Variants in SLC25A26 observed in about 807,000 individuals in gnomAD.
The protein encoded by SLC25A26 is solute carrier family 25 member 26.
Under a neutral mutation model 37.8 loss-of-function variants are expected in SLC25A26, and 36 were observed. That is an observed-to-expected ratio of 0.95 (90% CI 0.73 to 1.26). The LOEUF is 1.26. Ranked by LOEUF, SLC25A26 falls within the 50% of genes most tolerant of loss-of-function variation. The pLI, the probability that SLC25A26 is intolerant of heterozygous loss-of-function variation, is 0.00. For synonymous variants in SLC25A26, 129 were observed against 122.5 expected, an observed-to-expected ratio of 1.05 and a Z score of -0.35; for missense variants, 390 against 331.1, an observed-to-expected ratio of 1.18 and a Z score of -1.38.
chr3:66,339,352 C>T (rs2076156102), intron 5 of SLC25A26, among the ~76,000 whole-genome samples: 1 of 151,938 alleles, frequency 6.6e-6, no homozygotes, highest in South Asian at 2.1e-4. Flanking sequence ...TGCAAATATT[C>T]CACTCTGTGG....
At chr3:66,372,413 T>G (rs1006956661) in intron 9 of SLC25A26, among the ~76,000 whole-genome samples, 1 of 152,194 alleles carries the variant, frequency 6.6e-6, no homozygotes, top group Non-Finnish European at 1.5e-5. Flanking sequence ...GAGTAGATGA[T>G]TGAAGATAGT....
chr3:66,359,117 G>T (rs1361377743), intron 6 of SLC25A26, among the ~76,000 whole-genome samples: 1 of 152,208 alleles, frequency 6.6e-6, no homozygotes, highest in Non-Finnish European at 1.5e-5. Context: ...ATAGTGGAAA[G>T]TTAGACTTAT....
chr3:66,287,968 A>G (rs2074570276), intron 5 of SLC25A26, among the ~76,000 whole-genome samples: 1 of 152,224 alleles, frequency 6.6e-6, no homozygotes, highest in South Asian at 2.1e-4. Flanking sequence ...TTGTTACTGA[A>G]GTGGTGACCC....
chr3:66,279,188 C>T (rs1049068150), intron 5 of SLC25A26, among the ~76,000 whole-genome samples: 1 of 152,080 alleles, frequency 6.6e-6, no homozygotes, highest in Admixed American at 6.6e-5. Flanking sequence ...TTAGGTATGA[C>T]AACTTTGAAA....
At chr3:66,352,526 A>C (rs1377458249) in intron 6 of SLC25A26, among the ~76,000 whole-genome samples, 1 of 149,978 alleles carries the variant, frequency 6.7e-6, no homozygotes, top group Non-Finnish European at 1.5e-5. Context: ...TTCTATATAC[A>C]TCATTTTTTA....
At chr3:66,212,703 A>G (rs2071300674) in intron 1 of SLC25A26, among the ~76,000 whole-genome samples, 1 of 151,994 alleles carries the variant, frequency 6.6e-6, no homozygotes, top group Non-Finnish European at 1.5e-5. Context: ...AAATTTGACT[A>G]CTCTGGACAT....
intron 3 of SLC25A26, among the ~76,000 whole-genome samples, chr3:66,246,101 G>A (rs1170822557): frequency 6.6e-6 from 1 of 152,324 alleles, no homozygotes; most frequent in Non-Finnish European, 1.5e-5. Flanking sequence ...TTTTCAGCTA[G>A]TGTAGTGTTT....
Position 66,196,122 on chromosome 3 carries a change from C to T in SLC25A26, c.-353-24620C>T, listed in dbSNP as rs1313637374. Among the ~76,000 whole-genome samples, 3 of 128,842 alleles carry T rather than the reference C, an allele frequency of 2.3e-5. No homozygotes were observed. In the East Asian group the frequency reaches 6.1e-4, roughly 26 times the overall value. The allele number at this position is 128,842 out of a possible 152,430, so 84.5% of individuals were successfully genotyped here. ...GTTTAATCAATATCTACATTAATTA[C>T]TATCTTTAAGTAAGTAATCAGTCTG... On this transcript the variant is annotated intron_variant, in intron 1 of 10. Coordinates refer to the SLC25A26 transcript ENST00000676754.
In SLC25A26 at chr3:66,309,166, A is replaced by G. The variant is rs1376085573; in HGVS notation, c.454-37198A>G. Among the ~76,000 whole-genome samples the G allele has an allele frequency of 2.6e-5, 4 of 152,176 alleles. No homozygotes were observed. The South Asian group carries it at 6.2e-4, about 24-fold the overall frequency. Reference sequence around the variant, plus strand: ...CTGGGCTCTTTTTGGTTGGTAGGCTATTAATTACTGCATCAATTTCAGAAC... The same window carrying G: ...CTGGGCTCTTTTTGGTTGGTAGGCTGTTAATTACTGCATCAATTTCAGAAC... On this transcript the variant is annotated intron_variant, in intron 5 of 9. Transcript: ENST00000354883.
At chr3:66,315,001 G>T (rs962045001) in intron 5 of SLC25A26, among the ~76,000 whole-genome samples, 1 of 148,068 alleles carries the variant, frequency 6.8e-6, no homozygotes, top group Non-Finnish European at 1.5e-5. Flanking sequence ...GTGTCTATTT[G>T]ATTCTTTTCT....
intron 5 of SLC25A26, among the ~76,000 whole-genome samples, chr3:66,288,972 A>G (rs980435738): frequency 2.0e-5 from 3 of 152,118 alleles, no homozygotes; most frequent in African/African-American, 7.2e-5. Flanking sequence ...ATTTCTCCAC[A>G]TCCTCTCCAG....
At chr3:66,189,278 C>A (rs1415907141) in intron 1 of SLC25A26, among the ~76,000 whole-genome samples, 2 of 151,974 alleles carry the variant, frequency 1.3e-5, no homozygotes, top group Non-Finnish European at 2.9e-5. Flanking sequence ...CTGTACCAGA[C>A]CCTCTGCACC....
intron 7 of SLC25A26, among the ~76,000 whole-genome samples, chr3:66,368,889 G>A (rs943175775): frequency 4.4e-4 from 67 of 152,010 alleles, no homozygotes; most frequent in African/African-American, 1.5e-3. Context: ...ATGGTGGTGC[G>A]CAGCTGTAGT....
intron 6 of SLC25A26, chr3:66,356,030 G>A (rs769970735): frequency 2.2e-6 from 1 of 456,198 alleles, no homozygotes; most frequent in South Asian, 1.5e-5. Context: ...TCATCTTGTA[G>A]GGTTGGAAGC....
intron 1 of SLC25A26, among the ~76,000 whole-genome samples, chr3:66,226,362 C>T (rs1445786398): frequency 6.6e-6 from 1 of 152,198 alleles, no homozygotes; most frequent in Non-Finnish European, 1.5e-5. Context: ...GACCTGCCAC[C>T]ATGATTCAAT....
At chr3:66,366,872 C>T (rs1286664282) in intron 7 of SLC25A26, among the ~76,000 whole-genome samples, 1 of 152,160 alleles carries the variant, frequency 6.6e-6, no homozygotes, top group Admixed American at 6.5e-5. Flanking sequence ...AGCTGTGTGG[C>T]CTGGGCAAGT....
intron 5 of SLC25A26, among the ~76,000 whole-genome samples, chr3:66,319,744 CTTTTTTTTTTTTTT>C (rs71105981): frequency 1.1e-5 from 1 of 92,090 alleles, no homozygotes; most frequent in African/African-American, 5.0e-5. Flanking sequence ...GCAATTAAAT[CTTTTTTTTTTTTTT>C]TTTTTTTTTT....
chr3:66,269,910 C>T (rs904331358), intron 5 of SLC25A26, among the ~76,000 whole-genome samples: 1 of 152,178 alleles, frequency 6.6e-6, no homozygotes, highest in African/African-American at 2.4e-5. Flanking sequence ...AAAACAGCCA[C>T]TGGGTTTTTA....
At chr3:66,209,040 GTATA>G (rs1172568131) in intron 1 of SLC25A26, among the ~76,000 whole-genome samples, 7 of 33,478 alleles carry the variant, frequency 2.1e-4, no homozygotes, top group African/African-American at 6.5e-4. Context: ...ATATAAAGGT[GTATA>G]TATATATATA....
Sources: allele counts gnomAD v4.1 joint callset (sites outside exome capture counted in the v4.1 genomes callset), GRCh38; gene constraint gnomAD v4.1.1; transcripts MANE v1.5; gene names NCBI Gene and HGNC (gene_info 2026-07-23, HGNC 2026-07-21).